Variants in VEGFB observed in about 807,000 individuals in gnomAD.
VEGFB encodes vascular endothelial growth factor B.
In VEGFB, 24 loss-of-function variants were observed where a neutral mutation model predicts 22.5. That is an observed-to-expected ratio of 1.07 (90% CI 0.77 to 1.50). The LOEUF (loss-of-function observed/expected upper bound fraction) is 1.50, where lower values mean the gene tolerates loss of function less well. Ranked by LOEUF, VEGFB falls within the 40% of genes most tolerant of loss-of-function variation. The probability of loss-of-function intolerance (pLI) is 0.00; values close to 1 mark genes in which losing one functional copy is unlikely to be tolerated. For missense variants in VEGFB, 327 were observed against 287.8 expected (o/e 1.14, Z -0.99); for synonymous variants, 141 against 117.4 (o/e 1.20, Z -1.30).
chr11:64,235,661 CT>C, intron 2 of VEGFB, 151 bp from the exon 3 acceptor site: 1 of 1,229,908 alleles, frequency 8.1e-7, no homozygotes, highest in Non-Finnish European at 1.2e-6. Context: ...TTACTGGGAT[CT>C]GGATAAACAG....
chr11:64,237,405 G>C lies in VEGFB; in HGVS notation c.411-15G>C, dbSNP rs948948484. On this transcript the variant is annotated splice_polypyrimidine_tract_variant and intron_variant, in intron 5 of 6. Transcript: ENST00000309422. Reference sequence around the variant, plus strand: ...TCTTCCTTCCCACCCCAGACATGTCGCTTCTCCTCCCTAGGGCTGCCACTC... The same window carrying C: ...TCTTCCTTCCCACCCCAGACATGTCCCTTCTCCTCCCTAGGGCTGCCACTC... 10 of 1,573,342 alleles carry C rather than the reference G, an allele frequency of 6.4e-6. No individual in the cohort carries two copies. Among genetic ancestry groups the C allele is most frequent in the East Asian group, 2.3e-5 (1 of 44,012 alleles).
rs1050536785 is a variant in VEGFB, at chr11:64,239,106, T to C, written c.*773T>C. 1.3e-5 allele frequency among the ~76,000 whole-genome samples: 2 copies of C among 152,200 alleles called. No individual in the cohort carries two copies. Among genetic ancestry groups the C allele is most frequent in the Non-Finnish European group, 2.9e-5 (2 of 68,046 alleles). ...TGGGGTAGGACCCAGATCTACTGAG[T>C]GACCTTGCTTGTCACTACCCCTGCC... On this transcript the variant is annotated 3_prime_UTR_variant, in exon 7 of 7. Transcript: ENST00000309422.
chr11:64,236,030 C>G (rs537779215), intron 3 of VEGFB, 21 bp downstream of exon 3: 3 of 1,564,590 alleles, frequency 1.9e-6, no homozygotes, highest in East Asian at 4.7e-5. Flanking sequence ...GGTGGGGCAA[C>G]GGGCAGGGGA....
intron 1 of VEGFB, among the ~76,000 whole-genome samples, 183 bp from the exon 2 acceptor site, chr11:64,235,275 C>T (rs2029899564): frequency 6.6e-6 from 1 of 152,236 alleles, no homozygotes; most frequent in African/African-American, 2.4e-5. Context: ...TGGGCCAGGG[C>T]AGGTCCCGGG....
rs766915081 is a variant in VEGFB, at chr11:64,238,673, A to G, written c.*340A>G. ...TTCTAACCACTCTGTGCAAGTAAGC[A>G]TCTTACAACTGGCTCTTCCTCCCCT... is the stretch of plus-strand genomic sequence containing the variant. On this transcript the variant is annotated 3_prime_UTR_variant, in exon 7 of 7. Coordinates refer to ENST00000309422, the MANE Select transcript of VEGFB (RefSeq NM_003377.5). 2.0e-6 allele frequency: 1 copy of G among 494,086 alleles called. No homozygotes were observed. The highest frequency in any genetic ancestry group is 3.7e-6 in the Non-Finnish European group (1 of 272,518). 30.6% of individuals were successfully genotyped at this position (494,086 alleles called of 1,614,324 possible).
chr11:64,234,785 C>T lies in VEGFB; in HGVS notation c.-49C>T, dbSNP rs1947228436. ...TGGCTGTCGCCGCCCCCCGCGCCGCCGGGCTAGGGCGATGCGGGCGCCCCC... is the reference window on the plus strand; with the variant it reads ...TGGCTGTCGCCGCCCCCCGCGCCGCTGGGCTAGGGCGATGCGGGCGCCCCC... On this transcript the variant is annotated 5_prime_UTR_variant, in exon 1 of 7. Coordinates refer to ENST00000309422, the MANE Select transcript of VEGFB (RefSeq NM_003377.5). The surrounding 1 kb of genome is among the most constrained non-coding windows in gnomAD (Gnocchi z 5.3). 3.0e-6 allele frequency: 3 copies of T among 984,628 alleles called. No individual in the cohort carries two copies. Among genetic ancestry groups the T allele is most frequent in the Non-Finnish European group, 3.7e-6 (3 of 816,100 alleles). 61.0% of individuals were successfully genotyped at this position (984,628 alleles called of 1,614,324 possible). A position where few individuals can be genotyped will look rare whatever the true frequency, so the allele number is the denominator to read the frequency against.
chr11:64,237,316 C>A, intron 5 of VEGFB, 94 bp downstream of exon 5: 2 of 1,516,074 alleles, frequency 1.3e-6, no homozygotes, highest in African/African-American at 1.4e-5. Flanking sequence ...CCGTCCCCCA[C>A]TTTCCCTTTT....
chr11:64,236,578 G>A (rs1475134897), intron 4 of VEGFB, among the ~76,000 whole-genome samples: 10 of 151,772 alleles, frequency 6.6e-5, no homozygotes, highest in South Asian at 2.1e-4. Context: ...TTAGCCGGGC[G>A]TGGTGGCGGG....
rs530305136 is a variant in VEGFB at position 64,238,118 on chromosome 11, C to T, written c.*23-238C>T. On this transcript the variant is annotated intron_variant, in intron 6 of 6. Coordinates refer to ENST00000309422, the MANE Select transcript of VEGFB (RefSeq NM_003377.5). ...GATGTGTTTCTCACCATCCGTGTCC[C>T]GCAGTGAGGCCATGGGGTGAAATCA... Among the ~76,000 whole-genome samples the T allele has an allele frequency of 3.5e-4, 54 of 152,278 alleles. No individual in the cohort carries two copies. The South Asian group carries it at 9.3e-3, about 26-fold the overall frequency.
Position 64,238,449 on chromosome 11 carries a change from C to T in VEGFB, c.*116C>T. ...ATCCCAGTGGGGGAACAAAGAGGAG[C>T]CTGGTAAAAAACAGCCAAGCCCCCA... On this transcript the variant is annotated 3_prime_UTR_variant, in exon 7 of 7. Coordinates refer to ENST00000309422, the MANE Select transcript of VEGFB (RefSeq NM_003377.5). The T allele has an allele frequency of 6.5e-7, 1 of 1,530,076 alleles. No individual in the cohort carries two copies. The highest frequency in any genetic ancestry group is 8.8e-7 in the Non-Finnish European group (1 of 1,141,724). 94.8% of individuals were successfully genotyped at this position (1,530,076 alleles called of 1,614,324 possible).
intron 1 of VEGFB, among the ~76,000 whole-genome samples, chr11:64,235,182 T>A (rs1217022559): frequency 6.6e-6 from 1 of 152,014 alleles, no homozygotes; most frequent in Non-Finnish European, 1.5e-5. Context: ...CTGTGCGCGC[T>A]CCTGATCTGC....
chr11:64,236,996 TAGCTTGAACCTGGGAGGCGGAGGTTG>T (rs2030092015), intron 4 of VEGFB, 165 bp from the exon 5 acceptor site: 1 of 430,848 alleles, frequency 2.3e-6, no homozygotes, highest in African/African-American at 1.9e-5. Flanking sequence ...GACAAGAGAA[TAGCTTGAACCTGGGAGGCGGAGGTTG>T]CAGTGAGCCG....
rs774271865 is a variant in VEGFB, at chr11:64,237,561, C to T, written c.552C>T (p.Ser184=). 5.0e-6 allele frequency: 8 copies of T among 1,598,302 alleles called. No homozygotes were observed. Among genetic ancestry groups the T allele is most frequent in the Middle Eastern group, 1.7e-4 (1 of 6,040 alleles). ...CCCACGCTGCACCCAGCACCACCAG[C>T]GCCCTGACCCCCGGACCTGCCGCTG... is the stretch of plus-strand genomic sequence containing the variant. ...PSAHAAPSTT[S]ALTPGPAAAA... The change falls in exon 6 of 7, where the codon AGC becomes AGT. Residue 184 remains serine (S), a synonymous_variant. Coordinates refer to ENST00000309422, the MANE Select transcript of VEGFB (RefSeq NM_003377.5).
In VEGFB at chr11:64,237,410, TC is replaced by T. The variant is rs748644727; in HGVS notation, c.411-8del. 6.3e-7 allele frequency: 1 copy of T among 1,578,186 alleles called. No individual in the cohort carries two copies. Among genetic ancestry groups the T allele is most frequent in the East Asian group, 2.3e-5 (1 of 44,054 alleles). On this transcript the variant is annotated splice_polypyrimidine_tract_variant and intron_variant, in intron 5 of 6. Transcript: ENST00000309422. ...CTTCCCACCCCAGACATGTCGCTTC[TC>T]CTCCCTAGGGCTGCCACTCCCCACC...
intron 1 of VEGFB, among the ~76,000 whole-genome samples, 179 bp downstream of exon 1, chr11:64,235,072 C>A (rs1403254274): frequency 1.3e-5 from 2 of 152,072 alleles, no homozygotes; most frequent in East Asian, 3.9e-4. Flanking sequence ...CGCTGGCCCG[C>A]CAGCCCCAGT....
intron 5 of VEGFB, 37 bp downstream of exon 5, chr11:64,237,259 GGA>G: frequency 1.3e-6 from 2 of 1,592,704 alleles, no homozygotes; most frequent in East Asian, 4.5e-5. Flanking sequence ...AGGGGTATGG[GGA>G]GTACAAGTGA....
rs755894804 is a variant in VEGFB, at chr11:64,237,569, C to A, written c.560C>A (p.Thr187Asn). The A allele has an allele frequency of 1.2e-6, 2 of 1,600,354 alleles. No homozygotes were observed. The highest frequency in any genetic ancestry group is 1.7e-6 in the Non-Finnish European group (2 of 1,176,768). Residue 187 changes from threonine (T) to asparagine (N), a missense_variant, in exon 6 of 7, where the codon ACC (threonine) becomes AAC (asparagine). By Grantham distance (65) the Thr-to-Asn change is moderately conservative. Coordinates refer to ENST00000309422, the MANE Select transcript of VEGFB (RefSeq NM_003377.5). Reference protein sequence around the residue: ...HAAPSTTSALTPGPAAAAADA... With the variant: ...HAAPSTTSALNPGPAAAAADA... ...GCACCCAGCACCACCAGCGCCCTGACCCCCGGACCTGCCGCTGCCGCTGCC... is the reference window on the plus strand; with the variant it reads ...GCACCCAGCACCACCAGCGCCCTGAACCCCGGACCTGCCGCTGCCGCTGCC...
chr11:64,234,863 C>T lies in VEGFB; in HGVS notation c.30C>T (p.Leu10=). 1.5e-6 allele frequency: 2 copies of T among 1,295,894 alleles called. No individual in the cohort carries two copies. The highest frequency in any genetic ancestry group is 3.2e-5 in the East Asian group (1 of 31,384). The allele number at this position is 1,295,894 out of a possible 1,614,324, so 80.3% of individuals were successfully genotyped here. Residue 10 remains leucine, a synonymous_variant, in exon 1 of 7, where the codon CTC becomes CTT. Coordinates refer to ENST00000309422, the MANE Select transcript of VEGFB (RefSeq NM_003377.5). This position sits in a 1 kb window ranked among gnomAD's most constrained non-coding sequence, Gnocchi z 5.3. ...GCCCTCTGCTCCGCCGCCTGCTGCT[C>T]GCCGCACTCCTGCAGCTGGCCCCCG... MSPLLRRLL[L]AALLQLAPAQ... is the part of the protein sequence containing the mutation.
Position 64,237,216 on chromosome 11 carries a change from C to G in VEGFB, c.404C>G (p.Pro135Arg). 1 of 1,608,864 alleles carries G rather than the reference C, an allele frequency of 6.2e-7. No individual in the cohort carries two copies. Among genetic ancestry groups the G allele is most frequent in the East Asian group, 2.2e-5 (1 of 44,760 alleles). The change falls in exon 5 of 7, where the codon CCA becomes CGA. Residue 135 changes from proline to arginine, a missense_variant. By Grantham distance (103) the Pro-to-Arg change is moderately radical. Coordinates refer to ENST00000309422, the MANE Select transcript of VEGFB (RefSeq NM_003377.5). ...RPKKKDSAVK[P>R]DRAATPHHRP... ...AAAAAAAAGGACAGTGCTGTGAAGC[C>G]AGACAGGTGAGTCTTTTGGACTCCA...
Sources: gnomAD v4.1 joint callset for allele counts (sites outside exome capture counted in the v4.1 genomes callset) on GRCh38, gnomAD v4.1.1 for gene constraint, Gnocchi (gnomAD v3.1) non-coding constraint, MANE v1.5 for transcripts, NCBI Gene and HGNC (gene_info 2026-07-23, HGNC 2026-07-21) for gene names.